UCMA: variants seen among roughly 807,000 people sequenced by gnomAD.
The protein encoded by UCMA is upper zone of growth plate and cartilage matrix-associated protein.
UCMA carries 21 observed loss-of-function variants against 21.8 expected under a neutral mutation model. That is an observed-to-expected ratio of 0.97 (90% CI 0.68 to 1.39). UCMA has a LOEUF of 1.39. Among genes scored for constraint, UCMA ranks in the 40% most tolerant of loss-of-function variants. The pLI, the probability that UCMA is intolerant of heterozygous loss-of-function variation, is 0.00. For missense variants in UCMA, 193 were observed against 178.9 expected, an observed-to-expected ratio of 1.08 and a Z score of -0.45; for synonymous variants, 76 against 67.9, an observed-to-expected ratio of 1.12 and a Z score of -0.58.
chr10:13,223,383 G>A (rs1834783355), intron 4 of UCMA, among the ~76,000 whole-genome samples: 1 of 152,078 alleles, frequency 6.6e-6, no homozygotes, highest in African/African-American at 2.4e-5. Context: ...ACAAAGAAAT[G>A]GATAAACAAA....
intron 4 of UCMA, among the ~76,000 whole-genome samples, chr10:13,225,273 T>A (rs1834809668): frequency 6.6e-6 from 1 of 151,914 alleles, no homozygotes; most frequent in Admixed American, 6.6e-5. Flanking sequence ...TTCCTTGGCC[T>A]CCAAAAGTCC....
Position 13,233,572 on chromosome 10 carries a change from G to A in UCMA, c.186C>T (p.Gly62=). The part of the protein sequence containing the change: ...SDASNFLKRR[G]KRSPKSRDEV... ...CATCTCTGGACTTGGGGGACCGCTT[G>A]CCGCGCCTCTTGAGGAAATTCGAGG... The change falls in exon 3 of 5, where the codon GGC becomes GGT. Residue 62 remains glycine (G), a synonymous_variant. Coordinates refer to ENST00000378681, the MANE Select transcript of UCMA (RefSeq NM_145314.3). 1.2e-6 allele frequency: 2 copies of A among 1,614,068 alleles called. No individual in the cohort carries two copies. The highest frequency in any genetic ancestry group is 1.7e-6 in the Non-Finnish European group (2 of 1,180,018).
intron 4 of UCMA, among the ~76,000 whole-genome samples, chr10:13,224,983 A>C (rs182287397): frequency 9.8e-5 from 15 of 152,310 alleles, no homozygotes; most frequent in African/African-American, 3.6e-4. Context: ...GGCATTTCTC[A>C]AGCTCAGTAG....
chr10:13,227,007 AACTTTTAAGT>A (rs1250221851), intron 4 of UCMA, among the ~76,000 whole-genome samples: 12 of 152,214 alleles, frequency 7.9e-5, no homozygotes, highest in Non-Finnish European at 2.9e-5. Context: ...CCACATTCTC[AACTTTTAAGT>A]GCTTCTCCCC....
At chr10:13,233,906 G>C (rs113468483) in intron 1 of UCMA, 106 bp from the exon 2 acceptor site, 2 of 1,419,582 alleles carry the variant, frequency 1.4e-6, no homozygotes, top group African/African-American at 2.9e-5. Context: ...CCAGGGCCTG[G>C]CAGGGGGCCC....
intron 4 of UCMA, among the ~76,000 whole-genome samples, chr10:13,225,808 A>ACG (rs1238488651): frequency 6.6e-6 from 1 of 151,742 alleles, no homozygotes; most frequent in Non-Finnish European, 1.5e-5. Flanking sequence ...CGCCCCAGGG[A>ACG]TGGTTTCAGG....
At chr10:13,228,122 C>CG (rs1309705265) in intron 4 of UCMA, among the ~76,000 whole-genome samples, 2 of 151,752 alleles carry the variant, frequency 1.3e-5, no homozygotes, top group African/African-American at 4.8e-5. Flanking sequence ...TGCGGTGGTG[C>CG]AATCTTGGCT....
chr10:13,224,610 G>C (rs1363608836), intron 4 of UCMA, among the ~76,000 whole-genome samples: 1 of 152,204 alleles, frequency 6.6e-6, no homozygotes, highest in Admixed American at 6.5e-5. Context: ...TCACCAAGAA[G>C]CCCATGAACC....
chr10:13,225,506 C>T (rs962851974), intron 4 of UCMA, among the ~76,000 whole-genome samples: 1 of 151,880 alleles, frequency 6.6e-6, no homozygotes, highest in Admixed American at 6.6e-5. Flanking sequence ...GAAACCGTGT[C>T]TCTACTAAAA....
intron 4 of UCMA, among the ~76,000 whole-genome samples, chr10:13,224,207 G>A (rs1490437114): frequency 6.6e-6 from 1 of 152,012 alleles, no homozygotes; most frequent in East Asian, 1.9e-4. Flanking sequence ...CTTGCCTATA[G>A]TCCCAACTAC....
chr10:13,229,858 A>T, intron 3 of UCMA, 149 bp from the exon 4 acceptor site: 1 of 619,580 alleles, frequency 1.6e-6, no homozygotes, highest in Non-Finnish European at 2.8e-6. Context: ...CCCTGAAATG[A>T]TTTACTCCTG....
At chr10:13,225,803 C>A (rs1190067523) in intron 4 of UCMA, among the ~76,000 whole-genome samples, 1 of 151,998 alleles carries the variant, frequency 6.6e-6, no homozygotes, top group East Asian at 1.9e-4. Context: ...AGCACCGCCC[C>A]AGGGATGGTT....
intron 4 of UCMA, among the ~76,000 whole-genome samples, chr10:13,227,041 A>G (rs1230779811): frequency 1.3e-5 from 2 of 152,210 alleles, no homozygotes; most frequent in African/African-American, 4.8e-5. Flanking sequence ...CTGCCCACCA[A>G]GATAAACACA....
chr10:13,223,399 G>T (rs914233877), intron 4 of UCMA, among the ~76,000 whole-genome samples: 65 of 152,154 alleles, frequency 4.3e-4, no homozygotes, highest in South Asian at 2.1e-4. Flanking sequence ...ACAAAATGTG[G>T]TGTGTATGTG....
intron 4 of UCMA, 23 bp from the exon 5 acceptor site, chr10:13,222,223 C>T (rs916575555): frequency 1.2e-6 from 2 of 1,609,728 alleles, no homozygotes; most frequent in East Asian, 2.2e-5. Flanking sequence ...GACAAAGCCA[C>T]CTGTTAGGAC....
intron 2 of UCMA, 21 bp downstream of exon 2, chr10:13,233,714 G>T (rs369636361): frequency 7.6e-5 from 122 of 1,613,912 alleles, no homozygotes; most frequent in Non-Finnish European, 9.9e-5. Flanking sequence ...GCCCTGCCCC[G>T]TGGGTGGCCC....
chr10:13,229,532 G>T, intron 4 of UCMA, 79 bp downstream of exon 4: 1 of 1,310,052 alleles, frequency 7.6e-7, no homozygotes, highest in Non-Finnish European at 1.1e-6. Context: ...AAAAAGTTGG[G>T]TAGAAGAAGA....
chr10:13,223,738 G>C (rs1474424504), intron 4 of UCMA, among the ~76,000 whole-genome samples: 2 of 152,102 alleles, frequency 1.3e-5, no homozygotes, highest in Non-Finnish European at 2.9e-5. Flanking sequence ...TTTTAGTAGA[G>C]ATGGGGTTTC....
chr10:13,233,760 C>T lies in UCMA; in HGVS notation c.99G>A (p.Gln33=), dbSNP rs1834932671. ...CTTCACTCGCCTCTTCTCCCGCCAT[C>T]TGCATGGTGCCCACAGATACACTGG... ...EGTSVSVGTM[Q]MAGEEASEDA... Residue 33 remains glutamine (Q), a synonymous_variant, in exon 2 of 5, where the codon CAG becomes CAA. Transcript: ENST00000378681. 3.7e-6 allele frequency: 6 copies of T among 1,614,050 alleles called. No individual in the cohort carries two copies. The highest frequency in any genetic ancestry group is 1.7e-5 in the Admixed American group (1 of 59,992).
Sources: allele counts gnomAD v4.1 joint callset (sites outside exome capture counted in the v4.1 genomes callset), GRCh38; gene constraint gnomAD v4.1.1; transcripts MANE v1.5; gene names NCBI Gene and HGNC (gene_info 2026-07-23, HGNC 2026-07-21).